MRPL48: variants seen among roughly 807,000 people sequenced by gnomAD.
The protein encoded by MRPL48 is mitochondrial ribosomal protein L48, also known as large ribosomal subunit protein mL48.
In MRPL48, 16 loss-of-function variants were observed where a neutral mutation model predicts 32.9. That is an observed-to-expected ratio of 0.49 (90% CI 0.33 to 0.74). The LOEUF (loss-of-function observed/expected upper bound fraction) is 0.74, where lower values mean the gene tolerates loss of function less well. MRPL48 is among the 30% of genes least tolerant of loss of function. The probability of loss-of-function intolerance (pLI) is 0.02; values close to 1 mark genes in which losing one functional copy is unlikely to be tolerated. For missense variants in MRPL48, 206 were observed against 245.3 expected (o/e 0.84, Z 1.07); for synonymous variants, 94 against 89.2 (o/e 1.05, Z -0.31).
chr11:73,829,224 TC>T (rs1320812698), intron 4 of MRPL48, among the ~76,000 whole-genome samples: 1 of 152,172 alleles, frequency 6.6e-6, no homozygotes, highest in Non-Finnish European at 1.5e-5. Flanking sequence ...TTGGAAGACC[TC>T]CCCTTCTTCA....
At chr11:73,814,123 T>C (rs1056099765) in intron 3 of MRPL48, among the ~76,000 whole-genome samples, 4 of 151,016 alleles carry the variant, frequency 2.6e-5, no homozygotes, top group Non-Finnish European at 4.4e-5. Context: ...CCAGGTGTAG[T>C]GGGTTACGCT....
intron 3 of MRPL48, among the ~76,000 whole-genome samples, chr11:73,818,819 C>T (rs898257457): frequency 1.1e-4 from 16 of 152,120 alleles, no homozygotes; most frequent in African/African-American, 3.6e-4. Flanking sequence ...GTTTAATGAA[C>T]AAGAACATTG....
intron 1 of MRPL48, among the ~76,000 whole-genome samples, chr11:73,789,953 T>C (rs1184892759): frequency 3.3e-5 from 5 of 152,090 alleles, no homozygotes; most frequent in Non-Finnish European, 5.9e-5. Flanking sequence ...TAGAGTGCAA[T>C]GGTGCAGTCA....
At chr11:73,834,611 G>A (rs1477039243) in intron 4 of MRPL48, among the ~76,000 whole-genome samples, 16 of 149,838 alleles carry the variant, frequency 1.1e-4, no homozygotes, top group African/African-American at 3.7e-4. Context: ...TCGGCTCACT[G>A]CAACCTCCGC....
chr11:73,825,284 A>ATGTGTGTGTGTGTG lies in MRPL48; in HGVS notation c.113-398_113-385dup, dbSNP rs66515925. Reference sequence around the variant, plus strand: ...CTTACTGTTACCTTGTTTTTTATATATGTGTGTGTGTGTGTGTGTGTGTGT... The same window carrying ATGTGTGTGTGTGTG: ...CTTACTGTTACCTTGTTTTTTATATATGTGTGTGTGTGTGTGTGTGTGTGTGTGTGTGTGTGTGT... On this transcript the variant is annotated intron_variant, in intron 3 of 7. Transcript: ENST00000310614. Among the ~76,000 whole-genome samples the ATGTGTGTGTGTGTG allele has an allele frequency of 1.7e-4, 24 of 139,914 alleles. No homozygotes were observed. In the East Asian group the frequency reaches 4.0e-3, roughly 24 times the overall value. The allele number at this position is 139,914 out of a possible 152,430, so 91.8% of individuals were successfully genotyped here. A position where few individuals can be genotyped will look rare whatever the true frequency, so the allele number is the denominator to read the frequency against.
At chr11:73,846,505 A>G (rs373475305) in intron 5 of MRPL48, among the ~76,000 whole-genome samples, 3 of 151,716 alleles carry the variant, frequency 2.0e-5, no homozygotes, top group South Asian at 2.1e-4. Flanking sequence ...ACAGGTGCGC[A>G]CTACTGCACC....
At position 73,860,024 on chromosome 11, in the gene MRPL48, A is replaced by G; in HGVS notation, c.474+15A>G. 6.2e-7 allele frequency: 1 copy of G among 1,600,466 alleles called. No individual in the cohort carries two copies. Among genetic ancestry groups the G allele is most frequent in the Non-Finnish European group, 8.5e-7 (1 of 1,171,240 alleles). ...GAGTGGTTCAGGTAGGCACTCCAGGAGAATAAAAAATGTATTTGCTTCTCC... is the reference window on the plus strand; with the variant it reads ...GAGTGGTTCAGGTAGGCACTCCAGGGGAATAAAAAATGTATTTGCTTCTCC... On this transcript the variant is annotated intron_variant, in intron 6 of 7. Transcript: ENST00000310614.
chr11:73,795,060 C>T (rs1333268446), intron 1 of MRPL48, among the ~76,000 whole-genome samples: 4 of 151,698 alleles, frequency 2.6e-5, no homozygotes, highest in African/African-American at 7.3e-5. Context: ...TACAGGCACC[C>T]ACCACCACAC....
intron 5 of MRPL48, 44 bp from the exon 6 acceptor site, chr11:73,859,863 G>T (rs1948552906): frequency 6.5e-7 from 1 of 1,535,558 alleles, no homozygotes; most frequent in Non-Finnish European, 9.0e-7. Context: ...AGTGGCTGCT[G>T]GCTTCAGTGA....
At chr11:73,819,262 T>A (rs919719603) in intron 3 of MRPL48, among the ~76,000 whole-genome samples, 17 of 152,238 alleles carry the variant, frequency 1.1e-4, no homozygotes, top group African/African-American at 3.9e-4. Flanking sequence ...AACTGAATTT[T>A]AAAATGCCTC....
intron 1 of MRPL48, among the ~76,000 whole-genome samples, chr11:73,789,903 GT>G (rs780144644): frequency 1.4e-4 from 21 of 151,948 alleles, no homozygotes; most frequent in Non-Finnish European, 2.8e-4. Flanking sequence ...CCTAGGCTTT[GT>G]TTTTGTTTAG....
chr11:73,802,464 G>A (rs1947377581), intron 1 of MRPL48, among the ~76,000 whole-genome samples: 1 of 152,054 alleles, frequency 6.6e-6, no homozygotes, highest in Non-Finnish European at 1.5e-5. Flanking sequence ...CCCCTTAGCA[G>A]TCATCCACAG....
intron 1 of MRPL48, among the ~76,000 whole-genome samples, chr11:73,790,374 CTTTTTTTT>C (rs759628609): frequency 4.0e-4 from 23 of 57,990 alleles, no homozygotes; most frequent in Non-Finnish European, 5.2e-4. Context: ...CGCACCCGGC[CTTTTTTTT>C]TTTTTTTTTT....
rs557257782 is a variant in MRPL48 at position 73,835,166 on chromosome 11, G to C, written c.201+9370G>C. 4.9e-5 allele frequency among the ~76,000 whole-genome samples: 6 copies of C among 123,176 alleles called. No homozygotes were observed. The South Asian group carries it at 1.6e-3, about 32-fold the overall frequency. 80.8% of individuals were successfully genotyped at this position (123,176 alleles called of 152,430 possible). A position where few individuals can be genotyped will look rare whatever the true frequency, so the allele number is the denominator to read the frequency against. On this transcript the variant is annotated intron_variant, in intron 4 of 7. Transcript: ENST00000310614. ...TTTTTTTTTTTTTTTTTTTTGAGAC[G>C]AAGTCTCGCTCTGTCACCAGGCTGG...
intron 1 of MRPL48, among the ~76,000 whole-genome samples, chr11:73,801,396 C>T (rs972239866): frequency 6.6e-6 from 1 of 152,088 alleles, no homozygotes; most frequent in African/African-American, 2.4e-5. Flanking sequence ...CCTGACCTCT[C>T]CTGGGGCCCC....
At chr11:73,800,441 A>T (rs1275963550) in intron 1 of MRPL48, among the ~76,000 whole-genome samples, 1 of 152,134 alleles carries the variant, frequency 6.6e-6, no homozygotes, top group Non-Finnish European at 1.5e-5. Flanking sequence ...CCAGACTCTG[A>T]TGTCTTAAGC....
At chr11:73,844,079 C>CA (rs34070213) in intron 4 of MRPL48, among the ~76,000 whole-genome samples, 172 of 139,692 alleles carry the variant, frequency 1.2e-3, no homozygotes, top group African/African-American at 3.7e-3. Flanking sequence ...AACTCCATCT[C>CA]AAAAAAAAAA....
intron 4 of MRPL48, among the ~76,000 whole-genome samples, chr11:73,833,266 C>T (rs1724221007): frequency 6.6e-6 from 1 of 151,716 alleles, no homozygotes; most frequent in African/African-American, 2.4e-5. Context: ...AGAAAAGCTC[C>T]CCAGGGCTTT....
At chr11:73,851,517 G>A (rs985419810) in intron 5 of MRPL48, among the ~76,000 whole-genome samples, 13 of 152,168 alleles carry the variant, frequency 8.5e-5, no homozygotes, top group African/African-American at 3.1e-4. Flanking sequence ...CTAAAAATGT[G>A]CTTTATCTCT....
Sources: allele counts gnomAD v4.1 joint callset (sites outside exome capture counted in the v4.1 genomes callset), GRCh38; gene constraint gnomAD v4.1.1; transcripts MANE v1.5; gene names NCBI Gene and HGNC (gene_info 2026-07-23, HGNC 2026-07-21).